Variants in SCTR observed in about 807,000 individuals in gnomAD.
SCTR encodes the protein secretin receptor, also known as pancreatic secretin receptor.
In SCTR, 56 loss-of-function variants were observed where a neutral mutation model predicts 60.8. That is an observed-to-expected ratio of 0.92 (90% confidence interval 0.74 to 1.15). The LOEUF is 1.15. Among genes scored for constraint, SCTR ranks in the 50% most tolerant of loss-of-function variants. SCTR has a pLI of 0.00. For missense variants in SCTR, 562 were observed against 550.4 expected (o/e 1.02, Z -0.21); for synonymous variants, 202 against 217.0 (o/e 0.93, Z 0.61).
At chr2:119,486,597 G>A (rs1388556198) in intron 2 of SCTR, 1 of 152,180 alleles carries the variant, frequency 6.6e-6, no homozygotes, top group Non-Finnish European at 1.5e-5. Flanking sequence ...GGGAGGGTAA[G>A]GTTATCAGTC....
chr2:119,447,832 A>C (rs1226520966), intron 10 of SCTR, among the ~76,000 whole-genome samples: 1 of 152,170 alleles, frequency 6.6e-6, no homozygotes, highest in Non-Finnish European at 1.5e-5. Context: ...TTGGCCTCCC[A>C]AAGTGCTGGG....
chr2:119,445,375 C>A (rs1043255046), intron 11 of SCTR, among the ~76,000 whole-genome samples: 2 of 152,230 alleles, frequency 1.3e-5, no homozygotes, highest in Non-Finnish European at 2.9e-5. Context: ...AAGCCAGAGG[C>A]TGAGTTCTCT....
intron 2 of SCTR, among the ~76,000 whole-genome samples, chr2:119,491,779 G>A (rs143518492): frequency 0.035 from 5,323 of 152,238 alleles, 315 homozygotes; most frequent in African/African-American, 0.12. Flanking sequence ...CCAAAGTGCT[G>A]GGATTACAGG....
intron 12 of SCTR, 116 bp from the exon 13 acceptor site, chr2:119,440,373 C>T: frequency 1.7e-6 from 2 of 1,207,772 alleles, no homozygotes; most frequent in Non-Finnish European, 2.3e-6. Flanking sequence ...GCTGCCCTGT[C>T]CCCTAGCCTG....
chr2:119,474,272 G>A (rs948598706), intron 3 of SCTR, among the ~76,000 whole-genome samples: 9 of 152,216 alleles, frequency 5.9e-5, no homozygotes, highest in Non-Finnish European at 1.3e-4. Flanking sequence ...TGGCTGGCTG[G>A]ACAGAAAGGC....
chr2:119,519,810 CAAAAA>C (rs71396064), intron 1 of SCTR, among the ~76,000 whole-genome samples: 1 of 58,294 alleles, frequency 1.7e-5, no homozygotes, highest in Non-Finnish European at 3.3e-5. Context: ...GACTCTGTCT[CAAAAA>C]AAAAAAAAAA....
intron 7 of SCTR, 51 bp downstream of exon 7, chr2:119,461,796 A>C: frequency 9.9e-6 from 15 of 1,516,086 alleles, no homozygotes; most frequent in Non-Finnish European, 1.3e-5. Flanking sequence ...CTCTCGACTC[A>C]GCACCCCTTC....
chr2:119,496,044 G>A (rs1245190737), intron 1 of SCTR, among the ~76,000 whole-genome samples: 1 of 152,222 alleles, frequency 6.6e-6, no homozygotes. Flanking sequence ...TTGGCACACA[G>A]CTCACGCACT....
chr2:119,490,963 C>T (rs964361344), intron 2 of SCTR, among the ~76,000 whole-genome samples: 1 of 152,176 alleles, frequency 6.6e-6, no homozygotes, highest in Non-Finnish European at 1.5e-5. Context: ...GACTTGGAGG[C>T]GTGTGTTCCA....
intron 1 of SCTR, among the ~76,000 whole-genome samples, chr2:119,507,590 G>C (rs1046055884): frequency 2.7e-5 from 4 of 149,790 alleles, no homozygotes; most frequent in Non-Finnish European, 5.9e-5. Flanking sequence ...CAAGGTTTCT[G>C]AACTAAGAGC....
chr2:119,498,959 T>C (rs899821628), intron 1 of SCTR, among the ~76,000 whole-genome samples: 1 of 152,012 alleles, frequency 6.6e-6, no homozygotes, highest in African/African-American at 2.4e-5. Flanking sequence ...TTTTAAAACA[T>C]GATTAAACTA....
intron 2 of SCTR, chr2:119,479,530 G>A (rs1677502161): frequency 6.5e-6 from 1 of 152,792 alleles, no homozygotes; most frequent in South Asian, 2.1e-4. Flanking sequence ...TGCTCAGTAA[G>A]TCTGGGGTGG....
intron 9 of SCTR, among the ~76,000 whole-genome samples, chr2:119,451,185 T>C (rs900459929): frequency 4.6e-5 from 7 of 152,146 alleles, no homozygotes; most frequent in Non-Finnish European, 7.4e-5. Flanking sequence ...CAACTGGTTC[T>C]GCAGCCTTGG....
At chr2:119,453,051 A>C (rs1683233556) in intron 8 of SCTR, among the ~76,000 whole-genome samples, 1 of 152,216 alleles carries the variant, frequency 6.6e-6, no homozygotes, top group South Asian at 2.1e-4. Flanking sequence ...ACCCACATGC[A>C]GAGCGGACAG....
chr2:119,520,224 G>A (rs1325795566), intron 1 of SCTR, among the ~76,000 whole-genome samples: 1 of 152,162 alleles, frequency 6.6e-6, no homozygotes, highest in Non-Finnish European at 1.5e-5. Context: ...TCCCAGGCTG[G>A]GCATGGTGGC....
chr2:119,511,707 T>C (rs1678953489), intron 1 of SCTR, among the ~76,000 whole-genome samples: 1 of 152,216 alleles, frequency 6.6e-6, no homozygotes, highest in Admixed American at 6.5e-5. Flanking sequence ...GGCTGGGGTC[T>C]CATTTCCTAG....
At chr2:119,456,061 C>CTT (rs34764285) in intron 7 of SCTR, among the ~76,000 whole-genome samples, 5,648 of 120,972 alleles carry the variant, frequency 0.047, 519 homozygotes, top group African/African-American at 0.17. Flanking sequence ...GATTTTTCAA[C>CTT]TTTTTTTTTT....
At chr2:119,508,770 G>A (rs976370989) in intron 1 of SCTR, among the ~76,000 whole-genome samples, 57 of 152,146 alleles carry the variant, frequency 3.7e-4, no homozygotes, top group African/African-American at 1.2e-3. Flanking sequence ...ATACACTGTA[G>A]AAAGGCTCTT....
intron 1 of SCTR, among the ~76,000 whole-genome samples, chr2:119,522,688 G>T (rs1183636396): frequency 6.6e-6 from 1 of 152,188 alleles, no homozygotes; most frequent in Non-Finnish European, 1.5e-5. Flanking sequence ...AGTTACGACA[G>T]TCTCAGAGTC....
Sources: gnomAD v4.1 joint callset for allele counts (sites outside exome capture counted in the v4.1 genomes callset) on GRCh38, gnomAD v4.1.1 for gene constraint, MANE v1.5 for transcripts, NCBI Gene and HGNC (gene_info 2026-07-23, HGNC 2026-07-21) for gene names.